The following GRM7 variants were observed in gnomAD, a reference collection of about 807,000 sequenced individuals.
GRM7 encodes the protein glutamate metabotropic receptor 7.
A neutral mutation model predicts 84.5 loss-of-function variants in GRM7; 35 were observed. The ratio of observed to expected loss-of-function variants is 0.41; its 90% CI spans 0.32 to 0.55. GRM7 has a LOEUF of 0.55. Ranked by LOEUF, GRM7 falls within the 20% of genes least tolerant of loss-of-function variation. The pLI is 0.19. For synonymous variants in GRM7, 487 were observed against 455.1 expected, an observed-to-expected ratio of 1.07 and a Z score of -0.89; for missense variants, 1,003 against 1,194.6, an observed-to-expected ratio of 0.84 and a Z score of 2.36.
intron 1 of GRM7, among the ~76,000 whole-genome samples, chr3:6,886,119 G>T (rs972054948): frequency 2.6e-5 from 4 of 152,152 alleles, no homozygotes; most frequent in Admixed American, 2.6e-4. Context: ...GGGTGTGTGT[G>T]TGTGTATGGT....
chr3:7,145,297 A>G (rs1320302119), intron 1 of GRM7, among the ~76,000 whole-genome samples: 1 of 152,110 alleles, frequency 6.6e-6, no homozygotes, highest in Admixed American at 6.6e-5. Context: ...GTCAGAGTTG[A>G]TCATTCTTAC....
chr3:7,110,714 A>G (rs1264473367), intron 1 of GRM7, among the ~76,000 whole-genome samples: 1 of 151,950 alleles, frequency 6.6e-6, no homozygotes, highest in Non-Finnish European at 1.5e-5. Flanking sequence ...ATTACCTACT[A>G]ATTTCCAGAT....
chr3:7,172,766 GA>G (rs1454627355), intron 2 of GRM7, among the ~76,000 whole-genome samples: 1 of 151,956 alleles, frequency 6.6e-6, no homozygotes, highest in African/African-American at 2.4e-5. Context: ...CCATGAAACT[GA>G]ACTTTTTAAA....
In GRM7 at chr3:7,188,666, TCA is replaced by T. The variant is rs1695605216; in HGVS notation, c.736+41999_736+42000del. ...GAGACAGTGGTGACACATAGATCTCTCAGTTTCAACAGTGTAGCAGAGGAGTT... is the reference window on the plus strand; with the variant it reads ...GAGACAGTGGTGACACATAGATCTCTGTTTCAACAGTGTAGCAGAGGAGTT... On this transcript the variant is annotated intron_variant, in intron 2 of 9. Transcript: ENST00000357716. The surrounding 1 kb of genome is among the most constrained non-coding windows in gnomAD (Gnocchi z 4.2). 6.6e-6 allele frequency among the ~76,000 whole-genome samples: 1 copy of T among 152,190 alleles called. No individual in the cohort carries two copies. The highest frequency in any genetic ancestry group is 6.5e-5 in the Admixed American group (1 of 15,274).
At chr3:7,060,856 T>G (rs1249182050) in intron 1 of GRM7, among the ~76,000 whole-genome samples, 2 of 151,718 alleles carry the variant, frequency 1.3e-5, no homozygotes, top group Non-Finnish European at 2.9e-5. Context: ...TATGTTGATG[T>G]TTTTGTGTCC....
intron 8 of GRM7, among the ~76,000 whole-genome samples, chr3:7,640,624 G>A (rs1325665654): frequency 1.3e-5 from 2 of 152,304 alleles, no homozygotes; most frequent in East Asian, 3.9e-4. Context: ...GAGTTTGTGT[G>A]TAAAGAGAAT....
chr3:7,735,593 G>A (rs1241114825), intron 9 of GRM7, among the ~76,000 whole-genome samples: 2 of 152,160 alleles, frequency 1.3e-5, no homozygotes, highest in Non-Finnish European at 2.9e-5. Context: ...TTAGATGGCT[G>A]AGTGAAAAAA....
intron 8 of GRM7, among the ~76,000 whole-genome samples, chr3:7,590,301 A>G (rs923867595): frequency 6.6e-6 from 1 of 152,176 alleles, no homozygotes; most frequent in African/African-American, 2.4e-5. Context: ...AGAGCCCAGG[A>G]GGTTTAACTC....
At chr3:7,063,950 C>A (rs1391947) in intron 1 of GRM7, among the ~76,000 whole-genome samples, 1 of 151,272 alleles carries the variant, frequency 6.6e-6, no homozygotes, top group African/African-American at 2.4e-5. Context: ...AAATTTAATT[C>A]GTGTAGAGCA....
intron 2 of GRM7, among the ~76,000 whole-genome samples, chr3:7,228,436 G>A (rs1227358540): frequency 1.3e-5 from 2 of 152,164 alleles, no homozygotes; most frequent in African/African-American, 4.8e-5. Context: ...CAGGATTCAG[G>A]AATTTCAGAA....
chr3:7,693,223 A>G (rs1198261607), intron 9 of GRM7, among the ~76,000 whole-genome samples: 2 of 152,176 alleles, frequency 1.3e-5, no homozygotes, highest in African/African-American at 2.4e-5. Context: ...GTCTTCATAT[A>G]CAGATGGTTA....
intron 4 of GRM7, among the ~76,000 whole-genome samples, chr3:7,358,212 G>A (rs1693494460): frequency 6.6e-6 from 1 of 152,082 alleles, no homozygotes; most frequent in Admixed American, 6.6e-5. Context: ...GTAAGAATGA[G>A]AGACCTTTAT....
chr3:6,970,642 G>A (rs1472300062), intron 1 of GRM7, among the ~76,000 whole-genome samples: 1 of 152,116 alleles, frequency 6.6e-6, no homozygotes, highest in Non-Finnish European at 1.5e-5. Context: ...CTGTATGAGA[G>A]GGAAAACCGA....
At chr3:6,866,679 C>T (rs1574943479) in intron 1 of GRM7, among the ~76,000 whole-genome samples, 1 of 152,180 alleles carries the variant, frequency 6.6e-6, no homozygotes, top group Non-Finnish European at 1.5e-5. Flanking sequence ...ACAGTGGCAG[C>T]AAGCTATAGC....
intron 8 of GRM7, among the ~76,000 whole-genome samples, chr3:7,595,540 G>T (rs1156647507): frequency 1.3e-5 from 2 of 152,048 alleles, no homozygotes; most frequent in South Asian, 2.1e-4. Context: ...TGAGAGAGTG[G>T]TTAAATTAAT....
At chr3:7,359,220 T>G (rs201638078) in intron 4 of GRM7, among the ~76,000 whole-genome samples, 2 of 133,176 alleles carry the variant, frequency 1.5e-5, no homozygotes, top group Non-Finnish European at 3.2e-5. Context: ...GTGTTTGTGT[T>G]TGTGTGTGTG....
At chr3:7,524,227 C>A (rs940659624) in intron 7 of GRM7, among the ~76,000 whole-genome samples, 14 of 148,900 alleles carry the variant, frequency 9.4e-5, no homozygotes, top group African/African-American at 3.0e-4. Flanking sequence ...GTCTAAAACA[C>A]CAAAAGCAAT....
intron 1 of GRM7, among the ~76,000 whole-genome samples, chr3:6,948,595 A>T (rs1303718411): frequency 6.6e-6 from 1 of 152,140 alleles, no homozygotes; most frequent in East Asian, 1.9e-4. Context: ...GCTGAGTTCA[A>T]TTCCTGTATA....
At chr3:7,542,184 G>C (rs1275584335) in intron 7 of GRM7, among the ~76,000 whole-genome samples, 2 of 152,160 alleles carry the variant, frequency 1.3e-5, no homozygotes, top group Non-Finnish European at 2.9e-5. Flanking sequence ...CTGAAGTACT[G>C]GGAGTAAGTA....
Sources: gnomAD v4.1 joint callset for allele counts (sites outside exome capture counted in the v4.1 genomes callset) on GRCh38, gnomAD v4.1.1 for gene constraint, Gnocchi (gnomAD v3.1) non-coding constraint, MANE v1.5 for transcripts, NCBI Gene and HGNC (gene_info 2026-07-23, HGNC 2026-07-21) for gene names.